RNF216: variants seen among roughly 807,000 people sequenced by gnomAD.
The protein encoded by RNF216 is ring finger protein 216.
A neutral mutation model predicts 110.8 loss-of-function variants in RNF216; 72 were observed. The observed-to-expected ratio is 0.65, with a 90% CI of 0.54 to 0.79. The LOEUF (loss-of-function observed/expected upper bound fraction) is 0.79, where lower values mean the gene tolerates loss of function less well. Ranked by LOEUF, RNF216 falls within the 30% of genes least tolerant of loss-of-function variation. The pLI is 0.00. For synonymous variants in RNF216, 495 were observed against 407.5 expected, an observed-to-expected ratio of 1.21 and a Z score of -2.59; for missense variants, 1,342 against 1,141.2, an observed-to-expected ratio of 1.18 and a Z score of -2.54.
intron 13 of RNF216, among the ~76,000 whole-genome samples, chr7:5,698,024 CT>C (rs763588399): frequency 3.9e-5 from 6 of 152,120 alleles, no homozygotes; most frequent in African/African-American, 7.2e-5. Context: ...GCTTTTGAAA[CT>C]TCAAATGCTT....
intron 13 of RNF216, among the ~76,000 whole-genome samples, chr7:5,706,317 G>A (rs1459446271): frequency 6.6e-6 from 1 of 151,652 alleles, no homozygotes; most frequent in African/African-American, 2.4e-5. Flanking sequence ...GCAAAATGTT[G>A]TACAGCTGAT....
chr7:5,670,952 G>A (rs1789867696), intron 13 of RNF216, among the ~76,000 whole-genome samples: 1 of 152,216 alleles, frequency 6.6e-6, no homozygotes, highest in African/African-American at 2.4e-5. Flanking sequence ...TCCCTAGGAG[G>A]CCTAGAGTGT....
chr7:5,771,142 T>C (rs1168521565), intron 1 of RNF216, among the ~76,000 whole-genome samples: 2 of 152,132 alleles, frequency 1.3e-5, no homozygotes, highest in African/African-American at 4.8e-5. Flanking sequence ...ATGACAAAAG[T>C]AGCATTGCAG....
At chr7:5,748,986 G>C (rs556063726) in intron 3 of RNF216, among the ~76,000 whole-genome samples, 3 of 152,218 alleles carry the variant, frequency 2.0e-5, no homozygotes, top group Admixed American at 2.0e-4. Context: ...AAATATATGA[G>C]AGAACTCTGA....
intron 5 of RNF216, among the ~76,000 whole-genome samples, chr7:5,738,707 C>CAAAAAAAAA (rs71004696): frequency 1.4e-5 from 1 of 70,126 alleles, no homozygotes; most frequent in East Asian, 4.1e-4. Flanking sequence ...GACTCCGTCT[C>CAAAAAAAAA]AAAAAAAAAA....
At chr7:5,702,019 G>A (rs1792000594) in intron 13 of RNF216, among the ~76,000 whole-genome samples, 2 of 152,266 alleles carry the variant, frequency 1.3e-5, no homozygotes, top group Middle Eastern at 3.4e-3. Flanking sequence ...GAAGAGCCAG[G>A]CCCATTTCCT....
chr7:5,778,990 C>A (rs572809568), intron 1 of RNF216, among the ~76,000 whole-genome samples: 2 of 152,190 alleles, frequency 1.3e-5, no homozygotes, highest in African/African-American at 4.8e-5. Flanking sequence ...GTGATCTGCC[C>A]GCCTCGGCCT....
chr7:5,678,417 C>A (rs1249008708), intron 13 of RNF216, among the ~76,000 whole-genome samples: 1 of 152,286 alleles, frequency 6.6e-6, no homozygotes, highest in African/African-American at 2.4e-5. Context: ...GACTGACCTA[C>A]GTTACCACCT....
chr7:5,756,959 G>A (rs1004281106), intron 2 of RNF216, among the ~76,000 whole-genome samples: 1 of 152,086 alleles, frequency 6.6e-6, no homozygotes, highest in African/African-American at 2.4e-5. Flanking sequence ...CTTGTCTAAT[G>A]TATTTTAGGC....
chr7:5,756,051 G>A (rs529413452), intron 2 of RNF216, among the ~76,000 whole-genome samples: 4 of 152,048 alleles, frequency 2.6e-5, no homozygotes, highest in Admixed American at 6.6e-5. Flanking sequence ...CACAAGTCAC[G>A]AGCGGGACAG....
chr7:5,647,413 G>A (rs541517707), intron 14 of RNF216, among the ~76,000 whole-genome samples: 5 of 147,682 alleles, frequency 3.4e-5, no homozygotes, highest in Admixed American at 6.9e-5. Flanking sequence ...GGCTTACTGC[G>A]GCCTCGAACT....
intron 13 of RNF216, 38 bp from the exon 14 acceptor site, chr7:5,652,548 G>T: frequency 7.4e-7 from 1 of 1,354,854 alleles, no homozygotes; most frequent in Non-Finnish European, 1.1e-6. Context: ...AACTCCTGGT[G>T]AGTGGACACC....
intron 1 of RNF216, among the ~76,000 whole-genome samples, chr7:5,768,819 G>A (rs1360958220): frequency 1.3e-5 from 2 of 151,460 alleles, no homozygotes; most frequent in African/African-American, 4.9e-5. Flanking sequence ...CCACCACCAC[G>A]CCCGGCTATT....
intron 9 of RNF216, among the ~76,000 whole-genome samples, chr7:5,719,914 A>G (rs1793310189): frequency 6.6e-6 from 1 of 152,222 alleles, no homozygotes; most frequent in Non-Finnish European, 1.5e-5. Flanking sequence ...TGGCAGAAGC[A>G]CTTTATGAAG....
intron 15 of RNF216, among the ~76,000 whole-genome samples, chr7:5,632,065 G>A (rs1369091683): frequency 1.3e-5 from 2 of 152,242 alleles, no homozygotes; most frequent in African/African-American, 2.4e-5. Context: ...TAGGTTCCAA[G>A]GATGGCCGGC....
At chr7:5,728,649 C>T (rs992461109) in intron 7 of RNF216, among the ~76,000 whole-genome samples, 16 of 152,116 alleles carry the variant, frequency 1.1e-4, no homozygotes, top group African/African-American at 3.9e-4. Flanking sequence ...GAGCCACAGT[C>T]CTTGGCTTGG....
chr7:5,753,587 TC>T (rs1795445291), intron 2 of RNF216, among the ~76,000 whole-genome samples: 1 of 152,236 alleles, frequency 6.6e-6, no homozygotes, highest in Non-Finnish European at 1.5e-5. Context: ...GGTTTTTACT[TC>T]CTTTTATCAA....
At chr7:5,704,805 A>T (rs961512491) in intron 13 of RNF216, among the ~76,000 whole-genome samples, 1 of 152,172 alleles carries the variant, frequency 6.6e-6, no homozygotes, top group African/African-American at 2.4e-5. Flanking sequence ...TCAGGTCCCC[A>T]TATAACATTT....
intron 7 of RNF216, among the ~76,000 whole-genome samples, chr7:5,728,911 A>C (rs1217483587): frequency 6.6e-6 from 1 of 152,146 alleles, no homozygotes; most frequent in Non-Finnish European, 1.5e-5. Flanking sequence ...CGCCTGTGTT[A>C]CCCACCACAA....
Sources: gnomAD v4.1 joint callset for allele counts (sites outside exome capture counted in the v4.1 genomes callset) on GRCh38, gnomAD v4.1.1 for gene constraint, MANE v1.5 for transcripts, NCBI Gene and HGNC (gene_info 2026-07-23, HGNC 2026-07-21) for gene names.